CREBRF: variants seen among roughly 807,000 people sequenced by gnomAD.
CREBRF encodes UPF0474 protein C5orf41.
CREBRF carries 5 observed loss-of-function variants against 66.1 expected under a neutral mutation model. The observed-to-expected ratio is 0.08, with a 90% CI of 0.04 to 0.16. CREBRF has a LOEUF of 0.16. Among genes scored for constraint, CREBRF ranks in the 10% least tolerant of loss-of-function variants. The pLI is 1.00. For synonymous variants in CREBRF, 229 were observed against 264.4 expected (o/e 0.87, Z 1.30); for missense variants, 531 against 744.9 (o/e 0.71, Z 3.34).
Position 173,082,908 on chromosome 5 carries a change from C to CAAAAAAAAAA in CREBRF, c.9+2153_9+2162dup, listed in dbSNP as rs70984937. Among the ~76,000 whole-genome samples, 16 of 29,018 alleles carry CAAAAAAAAAA rather than the reference C, an allele frequency of 5.5e-4. 2 individuals are homozygous for CAAAAAAAAAA. Among genetic ancestry groups the CAAAAAAAAAA allele is most frequent in the Admixed American group, 1.4e-3 (2 of 1,458 alleles). The allele number at this position is 29,018 out of a possible 152,430, so 19.0% of individuals were successfully genotyped here. The stretch of plus-strand genomic sequence containing the variant: ...TGAGCGACGGAGCGAGACTCTGTCT[C>CAAAAAAAAAA]AAAAAAAAAAAAAAAAAAAAAAAAA... On this transcript the variant is annotated intron_variant, in intron 2 of 8. Transcript: ENST00000296953.
intron 4 of CREBRF, among the ~76,000 whole-genome samples, chr5:173,096,059 TC>T (rs1758469256): frequency 6.6e-6 from 1 of 152,062 alleles, no homozygotes; most frequent in South Asian, 2.1e-4. Context: ...AAACTCCGCC[TC>T]CCGGGTTATG....
At chr5:173,120,321 C>G (rs1250684724) in intron 7 of CREBRF, among the ~76,000 whole-genome samples, 1 of 151,494 alleles carries the variant, frequency 6.6e-6, no homozygotes, top group Non-Finnish European at 1.5e-5. Flanking sequence ...AATTCTTTTA[C>G]TAGAAAAAGC....
chr5:173,102,023 C>G (rs781707434), intron 4 of CREBRF, among the ~76,000 whole-genome samples: 2 of 152,062 alleles, frequency 1.3e-5, no homozygotes, highest in African/African-American at 2.4e-5. Context: ...TTTCAAATGA[C>G]CTGTCTTGGA....
intron 1 of CREBRF, among the ~76,000 whole-genome samples, chr5:173,056,711 T>C (rs1458408383): frequency 6.6e-6 from 1 of 150,818 alleles, no homozygotes; most frequent in Non-Finnish European, 1.5e-5. Context: ...CCCGGGACGG[T>C]TACATAAAAG....
rs1477346037 is a variant in CREBRF at position 173,108,659 on chromosome 5, G to A, written c.1258G>A (p.Val420Met). The A allele has an allele frequency of 1.6e-5, 25 of 1,612,814 alleles. No homozygotes were observed. Among genetic ancestry groups the A allele is most frequent in the Non-Finnish European group, 1.9e-5 (22 of 1,179,728 alleles). The change falls in exon 5 of 9, where the codon GTG (valine) becomes ATG (methionine). Residue 420 changes from valine to methionine, a missense_variant. Val to Met is a conservative substitution (Grantham distance 21, BLOSUM62 1). Coordinates refer to ENST00000296953, the MANE Select transcript of CREBRF (RefSeq NM_153607.3). ...TGATTCTGTAGAAGACCTGAAGGAG[G>A]TGACTTCAATATCTTCACGGAAGAG... ...ENDSVEDLKE[V>M]TSISSRKRGK...
intron 1 of CREBRF, among the ~76,000 whole-genome samples, chr5:173,065,684 A>T (rs1211329515): frequency 7.5e-5 from 4 of 53,402 alleles, no homozygotes; most frequent in Admixed American, 3.9e-4. Context: ...TTTTTTTTTT[A>T]AAGACAGGAT....
intron 4 of CREBRF, among the ~76,000 whole-genome samples, chr5:173,102,796 G>A (rs1357646615): frequency 1.3e-5 from 2 of 152,126 alleles, no homozygotes; most frequent in Non-Finnish European, 2.9e-5. Context: ...CCTGAGCCTA[G>A]GTCTGCAGCT....
intron 1 of CREBRF, among the ~76,000 whole-genome samples, chr5:173,066,665 T>G (rs940567980): frequency 2.0e-5 from 3 of 152,196 alleles, no homozygotes; most frequent in Admixed American, 2.0e-4. Context: ...CTCCAGTCAC[T>G]GATTTGCTTT....
Position 173,090,542 on chromosome 5 carries a change from T to C in CREBRF, c.363T>C (p.Asp121=). Residue 121 remains aspartate, a synonymous_variant, in exon 4 of 9, where the codon GAT becomes GAC. Coordinates refer to ENST00000296953, the MANE Select transcript of CREBRF (RefSeq NM_153607.3). The surrounding 1 kb of genome is among the most constrained non-coding windows in gnomAD (Gnocchi z 4.5). The part of the protein sequence containing the change: ...GTKEVDYLGL[D]DFSSPYQDEE... ...AAGAAGTGGATTACTTGGGTCTTGATGACTTTTCTAGTCCTTACCAAGATG... is the reference window on the plus strand; with the variant it reads ...AAGAAGTGGATTACTTGGGTCTTGACGACTTTTCTAGTCCTTACCAAGATG... 1 of 1,614,024 alleles carries C rather than the reference T, an allele frequency of 6.2e-7. No homozygotes were observed. The highest frequency in any genetic ancestry group is 8.5e-7 in the Non-Finnish European group (1 of 1,179,862).
intron 1 of CREBRF, among the ~76,000 whole-genome samples, chr5:173,059,422 G>GC (rs764051827): frequency 6.6e-6 from 1 of 151,436 alleles, no homozygotes; most frequent in African/African-American, 2.4e-5. Context: ...CCACCACCAC[G>GC]CCCGGCTAAT....
At chr5:173,106,074 G>GT (rs1268103902) in intron 4 of CREBRF, among the ~76,000 whole-genome samples, 1 of 152,084 alleles carries the variant, frequency 6.6e-6, no homozygotes, top group African/African-American at 2.4e-5. Flanking sequence ...TTCTAATATA[G>GT]TTTTTAAAAA....
chr5:173,059,265 C>CTTTTTTTTT (rs60946984), intron 1 of CREBRF, among the ~76,000 whole-genome samples: 13 of 65,614 alleles, frequency 2.0e-4, no homozygotes, highest in East Asian at 3.0e-4. Flanking sequence ...TCTTTTTTTT[C>CTTTTTTTTT]TTTTTTTTTT....
intron 7 of CREBRF, among the ~76,000 whole-genome samples, chr5:173,112,798 T>G: frequency 6.6e-6 from 1 of 152,226 alleles, no homozygotes; most frequent in Admixed American, 6.5e-5. Flanking sequence ...TTTTAATATT[T>G]TCCCTAAATT....
chr5:173,103,072 C>T (rs1758666515), intron 4 of CREBRF, among the ~76,000 whole-genome samples: 1 of 152,212 alleles, frequency 6.6e-6, no homozygotes, highest in Non-Finnish European at 1.5e-5. Flanking sequence ...TCACATGTCA[C>T]ATTTTCTTCC....
chr5:173,100,138 T>TC (rs1202272825), intron 4 of CREBRF, among the ~76,000 whole-genome samples: 1 of 132,390 alleles, frequency 7.6e-6, no homozygotes, highest in East Asian at 2.1e-4. Context: ...ATAATTTTTT[T>TC]TTTTTTTTTT....
chr5:173,121,753 T>C (rs1411778229), intron 7 of CREBRF, among the ~76,000 whole-genome samples: 1 of 152,250 alleles, frequency 6.6e-6, no homozygotes, highest in Non-Finnish European at 1.5e-5. Context: ...TGATTCGATA[T>C]AGCAGGCACT....
chr5:173,099,220 A>G (rs527421829), intron 4 of CREBRF, among the ~76,000 whole-genome samples: 84 of 152,082 alleles, frequency 5.5e-4, no homozygotes, highest in African/African-American at 1.9e-3. Context: ...CAGTGGTGCA[A>G]TCACTGCTCA....
chr5:173,123,264 G>A (rs1292940371), intron 8 of CREBRF, 62 bp downstream of exon 8: 3 of 1,497,676 alleles, frequency 2.0e-6, no homozygotes, highest in Non-Finnish European at 2.7e-6. Context: ...TATGATTTAA[G>A]GGGATATTAA....
At chr5:173,126,206 T>C (rs1484438922) in intron 8 of CREBRF, among the ~76,000 whole-genome samples, 1 of 152,098 alleles carries the variant, frequency 6.6e-6, no homozygotes, top group Non-Finnish European at 1.5e-5. Flanking sequence ...AGTGGCGTGA[T>C]CTTGGCTCCC....
Sources: gnomAD v4.1 joint callset for allele counts (sites outside exome capture counted in the v4.1 genomes callset) on GRCh38, gnomAD v4.1.1 for gene constraint, Gnocchi (gnomAD v3.1) non-coding constraint, MANE v1.5 for transcripts, NCBI Gene and HGNC (gene_info 2026-07-23, HGNC 2026-07-21) for gene names.